SLC22A8: variants seen among roughly 807,000 people sequenced by gnomAD.
SLC22A8 encodes the protein organic anion transporter 3.
Under a neutral mutation model 48.4 loss-of-function variants are expected in SLC22A8, and 40 were observed. That is an observed-to-expected ratio of 0.83 (90% CI 0.64 to 1.08). The LOEUF is 1.08. SLC22A8 is among the 50% of genes least tolerant of loss of function. The probability of loss-of-function intolerance (pLI) is 0.00; values close to 1 mark genes in which losing one functional copy is unlikely to be tolerated. For missense variants in SLC22A8, 606 were observed against 699.0 expected, an observed-to-expected ratio of 0.87 and a Z score of 1.50; for synonymous variants, 268 against 286.3, an observed-to-expected ratio of 0.94 and a Z score of 0.65.
intron 5 of SLC22A8, among the ~76,000 whole-genome samples, chr11:62,997,444 T>A (rs2086436032): frequency 6.6e-6 from 1 of 152,076 alleles, no homozygotes; most frequent in South Asian, 2.1e-4. Flanking sequence ...CAGGCTGGTC[T>A]GAAACTCCTG....
intron 2 of SLC22A8, among the ~76,000 whole-genome samples, chr11:63,006,054 G>A (rs1028910672): frequency 5.3e-5 from 8 of 152,200 alleles, no homozygotes; most frequent in African/African-American, 1.9e-4. Context: ...GAATTTCTGG[G>A]AGAGAGGAAG....
At chr11:63,013,752 G>A (rs1389714518) in intron 2 of SLC22A8, among the ~76,000 whole-genome samples, 3 of 152,080 alleles carry the variant, frequency 2.0e-5, no homozygotes, top group East Asian at 1.9e-4. Flanking sequence ...CACCTTCAAC[G>A]GAGCATCACG....
chr11:63,002,784 T>C (rs2086511986), intron 2 of SLC22A8, among the ~76,000 whole-genome samples: 1 of 152,246 alleles, frequency 6.6e-6, no homozygotes, highest in Middle Eastern at 3.2e-3. Context: ...AGATTAATAA[T>C]GACAACTGAT....
In SLC22A8 at chr11:62,992,992, G is replaced by A. The variant is rs912450258; in HGVS notation, c.*245C>T. ...GGGACAGTGGGGGAAGGTGGCCAGT[G>A]GGGAAGGGCTAGACAGAAGAATGGC... On this transcript the variant is annotated 3_prime_UTR_variant, in exon 11 of 11. Transcript: ENST00000336232. The A allele has an allele frequency of 1.9e-5, 10 of 533,840 alleles. No homozygotes were observed. In the Admixed American group the frequency reaches 2.7e-4, roughly 14 times the overall value. 33.1% of individuals were successfully genotyped at this position (533,840 alleles called of 1,614,324 possible).
At chr11:63,002,910 A>G (rs1009494498) in intron 2 of SLC22A8, among the ~76,000 whole-genome samples, 1 of 152,190 alleles carries the variant, frequency 6.6e-6, no homozygotes, top group Non-Finnish European at 1.5e-5. Context: ...TTTTACAGAT[A>G]AAGAACCTGA....
intron 2 of SLC22A8, among the ~76,000 whole-genome samples, chr11:63,009,406 TGGAGACAAGGCAG>T (rs1424803774): frequency 3.9e-5 from 6 of 152,124 alleles, no homozygotes; most frequent in Non-Finnish European, 7.4e-5. Context: ...CTTGCAGCCC[TGGAGACAAGGCAG>T]GGAGGCTCAA....
At chr11:63,013,472 CTT>C (rs2086641181) in intron 2 of SLC22A8, among the ~76,000 whole-genome samples, 3 of 152,216 alleles carry the variant, frequency 2.0e-5, no homozygotes, top group African/African-American at 7.2e-5. Context: ...GGCTCCTGCC[CTT>C]GAGGGGTTCA....
intron 3 of SLC22A8, 30 bp from the exon 4 acceptor site, chr11:62,999,872 T>C (rs778848398): frequency 6.9e-7 from 1 of 1,450,784 alleles, no homozygotes; most frequent in Admixed American, 2.4e-5. Flanking sequence ...AGGGGCCAGG[T>C]TAGCCACAGT....
At chr11:63,010,436 T>C (rs2086605772) in intron 2 of SLC22A8, among the ~76,000 whole-genome samples, 1 of 152,208 alleles carries the variant, frequency 6.6e-6, no homozygotes, top group South Asian at 2.1e-4. Flanking sequence ...GTCAGAGACC[T>C]ACTTCTAGGT....
intron 5 of SLC22A8, 46 bp from the exon 6 acceptor site, chr11:62,996,198 C>T: frequency 6.5e-7 from 1 of 1,541,568 alleles, no homozygotes; most frequent in Non-Finnish European, 8.8e-7. Flanking sequence ...ACTCCAGAGC[C>T]CCTTTTGAGA....
In SLC22A8 at chr11:62,993,857, A is replaced by G. The variant is rs2086375761; in HGVS notation, c.1238T>C (p.Val413Ala). The stretch of plus-strand genomic sequence containing the variant: ...GCATCCCTTCCCAAACACAGCCAAT[A>G]CTGTCCTCACGGTCTGCAAGTCTGC... ...VPLDLQTVRT[V>A]LAVFGKGCLS... Residue 413 changes from valine (V) to alanine (A), a missense_variant, in exon 9 of 11, where the codon GTA becomes GCA. Transcript: ENST00000336232. 1.9e-6 allele frequency: 3 copies of G among 1,613,072 alleles called. No individual in the cohort carries two copies. Among genetic ancestry groups the G allele is most frequent in the East Asian group, 2.2e-5 (1 of 44,862 alleles).
intron 2 of SLC22A8, among the ~76,000 whole-genome samples, chr11:63,008,533 C>T (rs1420800587): frequency 2.0e-5 from 3 of 152,162 alleles, no homozygotes; most frequent in Non-Finnish European, 2.9e-5. Context: ...TACTTAACCT[C>T]CGTGTGGCTC....
rs143865155 is a variant in SLC22A8 at position 63,014,937 on chromosome 11, C to T, written c.22G>A (p.Asp8Asn). MTFSEIL[D>N]RVGSMGHFQF... ...AAATGGCCCATGCTTCCCACACGGT[C>T]CAGGATCTCCGAGAAGGTCATGGCA... The change falls in exon 2 of 11, where the codon GAC becomes AAC. Residue 8 changes from aspartate (D) to asparagine (N), a missense_variant. Asp to Asn is a conservative substitution (Grantham distance 23). Coordinates refer to ENST00000336232, the MANE Select transcript of SLC22A8 (RefSeq NM_004254.4). 41 of 1,554,426 alleles carry T rather than the reference C, an allele frequency of 2.6e-5. No individual in the cohort carries two copies. Among genetic ancestry groups the T allele is most frequent in the Non-Finnish European group, 3.3e-5 (38 of 1,145,012 alleles).
At position 62,993,133 on chromosome 11, in the gene SLC22A8, G is replaced by A. The variant is rs1280504745; in HGVS notation, c.*104C>T. ...AGACACCTTCACCAAGCTCTCAGAA[G>A]GCTTCATCCTAGGAGGATGGACCTA... On this transcript the variant is annotated 3_prime_UTR_variant, in exon 11 of 11. Transcript: ENST00000336232. 2.0e-5 allele frequency: 16 copies of A among 791,656 alleles called. No homozygotes were observed. Among genetic ancestry groups the A allele is most frequent in the Non-Finnish European group, 3.2e-5 (16 of 494,572 alleles). 49.0% of individuals were successfully genotyped at this position (791,656 alleles called of 1,614,324 possible).
rs1198515814 is a variant in SLC22A8, at chr11:62,998,788, C to T, written c.761+133G>A. 21 of 706,042 alleles carry T rather than the reference C, an allele frequency of 3.0e-5. No homozygotes were observed. In the Admixed American group the frequency reaches 5.3e-4, roughly 18 times the overall value. 43.7% of individuals were successfully genotyped at this position (706,042 alleles called of 1,614,324 possible). A position where few individuals can be genotyped will look rare whatever the true frequency, so the allele number is the denominator to read the frequency against. ...GCATTTGTTTATGTAGTTCCTCCTC[C>T]CTGGAGTGCCCTTCCCTGACTCTGG... On this transcript the variant is annotated intron_variant, in intron 5 of 10. Transcript: ENST00000336232.
At chr11:63,011,795 C>T (rs1306657953) in intron 2 of SLC22A8, among the ~76,000 whole-genome samples, 1 of 152,160 alleles carries the variant, frequency 6.6e-6, no homozygotes, top group East Asian at 1.9e-4. Flanking sequence ...TGGTGTCACT[C>T]TCCTGCTTAA....
At chr11:63,007,445 C>A (rs2086568773) in intron 2 of SLC22A8, among the ~76,000 whole-genome samples, 1 of 152,156 alleles carries the variant, frequency 6.6e-6, no homozygotes, top group Non-Finnish European at 1.5e-5. Flanking sequence ...CCTGTCTCAG[C>A]CTCCGGAGTA....
At chr11:62,997,902 G>A (rs764342178) in intron 5 of SLC22A8, among the ~76,000 whole-genome samples, 2 of 152,196 alleles carry the variant, frequency 1.3e-5, no homozygotes, top group Non-Finnish European at 2.9e-5. Context: ...GTCGCTCCAA[G>A]ACTTCACTTC....
intron 3 of SLC22A8, 40 bp from the exon 4 acceptor site, chr11:62,999,882 T>C (rs2086470916): frequency 6.3e-6 from 9 of 1,428,730 alleles, no homozygotes; most frequent in East Asian, 2.6e-5. Flanking sequence ...TTAGCCACAG[T>C]GTGCCTGCCA....
Sources: gnomAD v4.1 joint callset for allele counts (sites outside exome capture counted in the v4.1 genomes callset) on GRCh38, gnomAD v4.1.1 for gene constraint, MANE v1.5 for transcripts, NCBI Gene and HGNC (gene_info 2026-07-23, HGNC 2026-07-21) for gene names.